ST6GALNAC3: variants seen among roughly 807,000 people sequenced by gnomAD.
ST6GALNAC3 encodes alpha-N-acetylgalactosaminide alpha-2,6-sialyltransferase 3.
ST6GALNAC3 carries 25 observed loss-of-function variants against 32.7 expected under a neutral mutation model. That is an observed-to-expected ratio of 0.76 (90% CI 0.56 to 1.07). The LOEUF (loss-of-function observed/expected upper bound fraction) is 1.07. ST6GALNAC3 is among the 50% of genes least tolerant of loss of function. The pLI, the probability that ST6GALNAC3 is intolerant of heterozygous loss-of-function variation, is 0.00. For synonymous variants in ST6GALNAC3, 129 were observed against 133.1 expected (o/e 0.97, Z 0.21); for missense variants, 355 against 382.4 (o/e 0.93, Z 0.60).
At chr1:76,127,465 T>G (rs1281606412) in intron 1 of ST6GALNAC3, among the ~76,000 whole-genome samples, 1 of 152,210 alleles carries the variant, frequency 6.6e-6, no homozygotes, top group African/African-American at 2.4e-5. Flanking sequence ...GGAAATAAAG[T>G]GAAGGTTCTG....
chr1:76,390,622 C>T (rs1306240303), intron 2 of ST6GALNAC3, among the ~76,000 whole-genome samples: 1 of 152,130 alleles, frequency 6.6e-6, no homozygotes, highest in African/African-American at 2.4e-5. Context: ...TGGCAGGATT[C>T]AGAGGAGCCT....
intron 3 of ST6GALNAC3, among the ~76,000 whole-genome samples, chr1:76,527,622 T>TCC (rs1662994058): frequency 6.6e-6 from 1 of 152,106 alleles, no homozygotes; most frequent in African/African-American, 2.4e-5. Flanking sequence ...AGAGACACTG[T>TCC]CAAGTCTCTT....
chr1:76,135,237 A>G (rs932542711), intron 1 of ST6GALNAC3, among the ~76,000 whole-genome samples: 3 of 152,202 alleles, frequency 2.0e-5, no homozygotes, highest in African/African-American at 7.2e-5. Flanking sequence ...CATGGCTAAG[A>G]TTTAGAGGAT....
intron 1 of ST6GALNAC3, among the ~76,000 whole-genome samples, chr1:76,256,954 G>A (rs1657959027): frequency 1.3e-5 from 2 of 152,122 alleles, no homozygotes; most frequent in South Asian, 2.1e-4. Context: ...AAAACCAGAT[G>A]TCTAGCTGGC....
intron 1 of ST6GALNAC3, among the ~76,000 whole-genome samples, chr1:76,078,660 AG>A (rs1219418206): frequency 6.6e-6 from 1 of 152,166 alleles, no homozygotes; most frequent in Non-Finnish European, 1.5e-5. Flanking sequence ...GTTATATTGC[AG>A]GGGGAAAAAA....
At chr1:76,406,333 T>C (rs1329353007) in intron 2 of ST6GALNAC3, among the ~76,000 whole-genome samples, 2 of 152,048 alleles carry the variant, frequency 1.3e-5, no homozygotes, top group Non-Finnish European at 2.9e-5. Context: ...TAGAAAATAA[T>C]ATCATCTGCC....
Position 76,152,999 on chromosome 1 carries a change from GA to G in ST6GALNAC3, c.18+78117del, listed in dbSNP as rs1319041128. Among the ~76,000 whole-genome samples the G allele has an allele frequency of 2.0e-5, 3 of 152,162 alleles. No homozygotes were observed. The East Asian group carries it at 5.8e-4, about 29-fold the overall frequency. ...TGCAAGTCTTATTTTAGAGTTCCCA[GA>G]AGGGAATTACCGGACCTTAAGATAT... is the stretch of plus-strand genomic sequence containing the variant. On this transcript the variant is annotated intron_variant, in intron 1 of 4. Coordinates refer to ENST00000328299, the MANE Select transcript of ST6GALNAC3 (RefSeq NM_152996.4).
chr1:76,132,582 G>C (rs6702844), intron 1 of ST6GALNAC3, among the ~76,000 whole-genome samples: 43 of 152,114 alleles, frequency 2.8e-4, no homozygotes, highest in Admixed American at 1.6e-3. Flanking sequence ...CACTGCACAC[G>C]AGTCCTGCCC....
At position 76,195,814 on chromosome 1, in the gene ST6GALNAC3, A is replaced by G. The variant is rs1654171126; in HGVS notation, c.19-117991A>G. 2.6e-5 allele frequency among the ~76,000 whole-genome samples: 4 copies of G among 152,326 alleles called. No homozygotes were observed. In the South Asian group the frequency reaches 8.3e-4, roughly 32 times the overall value. On this transcript the variant is annotated intron_variant, in intron 1 of 4. Coordinates refer to ENST00000328299, the MANE Select transcript of ST6GALNAC3 (RefSeq NM_152996.4). ...TTCTTCCATGAGCATGAGTTCTATAAAGGAAGTCAGGAACAAGCATGGGCT... is the reference window on the plus strand; with the variant it reads ...TTCTTCCATGAGCATGAGTTCTATAGAGGAAGTCAGGAACAAGCATGGGCT...
chr1:76,565,130 G>T (rs1365710629), intron 3 of ST6GALNAC3, among the ~76,000 whole-genome samples: 2 of 152,108 alleles, frequency 1.3e-5, no homozygotes, highest in Non-Finnish European at 2.9e-5. Context: ...CATGGAGGGT[G>T]CCTGTGCCTT....
intron 2 of ST6GALNAC3, among the ~76,000 whole-genome samples, chr1:76,336,658 G>A (rs1647500130): frequency 6.6e-6 from 1 of 152,074 alleles, no homozygotes; most frequent in Non-Finnish European, 1.5e-5. Flanking sequence ...AGTGATGAGG[G>A]CTGTCAAGAC....
intron 1 of ST6GALNAC3, chr1:76,307,989 G>T (rs1200004200): frequency 2.3e-6 from 1 of 444,054 alleles, no homozygotes. Context: ...GCACAGAGGG[G>T]ATTAAATTCT....
chr1:76,219,945 G>T (rs950593680), intron 1 of ST6GALNAC3, among the ~76,000 whole-genome samples: 1 of 152,130 alleles, frequency 6.6e-6, no homozygotes, highest in Non-Finnish European at 1.5e-5. Flanking sequence ...CAATTCCTGT[G>T]ACTCGTGGTG....
chr1:76,637,300 G>A (rs1014875519), downstream of ST6GALNAC3: 48 of 151,914 alleles, frequency 3.2e-4, no homozygotes, highest in African/African-American at 1.1e-3. Flanking sequence ...TCCTTAGTCA[G>A]TCATGTTTTC....
intron 3 of ST6GALNAC3, among the ~76,000 whole-genome samples, chr1:76,547,547 A>C (rs1664368078): frequency 6.6e-6 from 1 of 152,166 alleles, no homozygotes; most frequent in Non-Finnish European, 1.5e-5. Flanking sequence ...GGGGGTGTAG[A>C]AAAGGGTGTA....
At chr1:76,440,635 G>A (rs17098999) in intron 3 of ST6GALNAC3, among the ~76,000 whole-genome samples, 6,800 of 152,116 alleles carry the variant, frequency 0.045, 521 homozygotes, top group African/African-American at 0.16. Flanking sequence ...AAGAACATTA[G>A]AGCCTCATAA....
intron 3 of ST6GALNAC3, among the ~76,000 whole-genome samples, chr1:76,570,574 C>G (rs547887593): frequency 6.6e-6 from 1 of 152,192 alleles, no homozygotes; most frequent in African/African-American, 2.4e-5. Context: ...TAAATTTTCA[C>G]TTACTTCTAA....
chr1:76,375,935 G>A (rs899321328), intron 2 of ST6GALNAC3, among the ~76,000 whole-genome samples: 13 of 152,082 alleles, frequency 8.5e-5, no homozygotes, highest in Admixed American at 7.9e-4. Flanking sequence ...AAATGTGTGA[G>A]TGCATTCATG....
chr1:76,150,908 G>C (rs1294424349), intron 1 of ST6GALNAC3, among the ~76,000 whole-genome samples: 1 of 152,210 alleles, frequency 6.6e-6, no homozygotes, highest in African/African-American at 2.4e-5. Context: ...TCCGGGTCTT[G>C]ATAGAGCTAG....
Sources: gnomAD v4.1 joint callset for allele counts (sites outside exome capture counted in the v4.1 genomes callset) on GRCh38, gnomAD v4.1.1 for gene constraint, MANE v1.5 for transcripts, NCBI Gene and HGNC (gene_info 2026-07-23, HGNC 2026-07-21) for gene names.